WDR33: variants seen among roughly 807,000 people sequenced by gnomAD.
The protein encoded by WDR33 is pre-mRNA 3' end processing protein WDR33.
Under a neutral mutation model 164.9 loss-of-function variants are expected in WDR33, and 47 were observed. That is an observed-to-expected ratio of 0.29 (90% confidence interval 0.23 to 0.36). The LOEUF (loss-of-function observed/expected upper bound fraction) is 0.36. WDR33 is among the 10% of genes least tolerant of loss of function. The pLI, the probability that WDR33 is intolerant of heterozygous loss-of-function variation, is 1.00. For missense variants in WDR33, 1,137 were observed against 1,754.1 expected (o/e 0.65, Z 6.28); for synonymous variants, 505 against 589.0 (o/e 0.86, Z 2.06).
rs537279492 is a variant in WDR33, at chr2:127,722,627, A to T, written c.1482T>A (p.Val494=). 6 of 1,614,032 alleles carry T rather than the reference A, an allele frequency of 3.7e-6. No homozygotes were observed. The South Asian group carries it at 6.6e-5, about 18-fold the overall frequency. The change falls in exon 14 of 22, where the codon GTT becomes GTA. Residue 494 remains valine, a synonymous_variant. Transcript: ENST00000322313. The surrounding 1 kb of genome is among the most constrained non-coding windows in gnomAD (Gnocchi z 5.1). ...KDQKKVPQKK[V]PYAKPIPAQF... is the part of the protein sequence containing the mutation. ...GAGCAGGAATGGGTTTTGCATAAGG[A>T]ACTTTCTTCTGAGGTACTTTTTTCT...
At position 127,725,165 on chromosome 2, in the gene WDR33, T is replaced by C. The variant is rs774404222; in HGVS notation, c.902A>G (p.Asn301Ser). 7.4e-6 allele frequency: 12 copies of C among 1,613,606 alleles called. No individual in the cohort carries two copies. The highest frequency in any genetic ancestry group is 6.7e-5 in the African/African-American group (5 of 74,892). Reference sequence around the variant, plus strand: ...ATCACGTGATGCTGTGAGTAGCCAATTGCCATTGAGGTTTAATTTCACTTC... The same window carrying C: ...ATCACGTGATGCTGTGAGTAGCCAACTGCCATTGAGGTTTAATTTCACTTC... The part of the protein sequence containing the change: ...VMEVKLNLNG[N>S]WLLTASRDHL... The change falls in exon 9 of 22, where the codon AAT becomes AGT. Residue 301 changes from asparagine (N) to serine (S), a missense_variant. Asn to Ser is a conservative substitution (Grantham distance 46). Around this residue, in one of 9 missense-constraint regions of WDR33, gnomAD observed 83 missense variants for 189.2 expected, o/e 0.44. Transcript: ENST00000322313.
rs148251318 is a variant in WDR33 at position 127,736,343 on chromosome 2, G to A, written c.725-9566C>T. On this transcript the variant is annotated intron_variant, in intron 7 of 21. Coordinates refer to ENST00000322313, the MANE Select transcript of WDR33 (RefSeq NM_018383.5). ...GCCTTTAACCTTTAATTTGTAATGTGTATTTCTTTACTGAAAATTCAGAAA... is the reference window on the plus strand; with the variant it reads ...GCCTTTAACCTTTAATTTGTAATGTATATTTCTTTACTGAAAATTCAGAAA... 4 of 985,376 alleles carry A rather than the reference G, an allele frequency of 4.1e-6. No individual in the cohort carries two copies. The East Asian group carries it at 3.4e-4, about 84-fold the overall frequency. 61.0% of individuals were successfully genotyped at this position (985,376 alleles called of 1,614,324 possible). A position where few individuals can be genotyped will look rare whatever the true frequency, so the allele number is the denominator to read the frequency against.
Position 127,701,375 on chromosome 2 carries a change from A to T in WDR33, c.*4948T>A. The T allele has an allele frequency of 2.9e-6, 2 of 693,898 alleles. No homozygotes were observed. Among genetic ancestry groups the T allele is most frequent in the Non-Finnish European group, 2.0e-6 (1 of 501,478 alleles). The allele number at this position is 693,898 out of a possible 1,614,324, so 43.0% of individuals were successfully genotyped here. A position where few individuals can be genotyped will look rare whatever the true frequency, so the allele number is the denominator to read the frequency against. ...CCACGGTACTTGGGGACACCACAAA[A>T]GTCCGCAGAGCAGGCACCGCGGCAC... is the stretch of plus-strand genomic sequence containing the variant. On this transcript the variant is annotated 3_prime_UTR_variant, in exon 22 of 22. Transcript: ENST00000322313.
Position 127,704,748 on chromosome 2 carries a change from C to T in WDR33, c.*1575G>A, listed in dbSNP as rs1337143724. On this transcript the variant is annotated 3_prime_UTR_variant, in exon 22 of 22. Transcript: ENST00000322313. ...AGAGAACCAGTTAAATTTTCATATC[C>T]TGTTAAACTATATCAGTATGCCTTT... is the stretch of plus-strand genomic sequence containing the variant. 1 of 167,034 alleles carries T rather than the reference C, an allele frequency of 6.0e-6. No individual in the cohort carries two copies. The highest frequency in any genetic ancestry group is 1.9e-4 in the East Asian group (1 of 5,202). 10.3% of individuals were successfully genotyped at this position (167,034 alleles called of 1,614,324 possible). A position where few individuals can be genotyped will look rare whatever the true frequency, so the allele number is the denominator to read the frequency against.
chr2:127,772,959 C>CAAA (rs72149745), intron 1 of WDR33, among the ~76,000 whole-genome samples: 2 of 117,196 alleles, frequency 1.7e-5, no homozygotes, highest in African/African-American at 6.1e-5. Flanking sequence ...TCCATCTCTA[C>CAAA]AAAAAAAAAA....
At chr2:127,788,282 G>A (rs548759959) in intron 1 of WDR33, among the ~76,000 whole-genome samples, 12,423 of 116,246 alleles carry the variant, frequency 0.11, 281 homozygotes, top group South Asian at 0.17. Flanking sequence ...CAGGGCGGCC[G>A]GCCGGGCGGG....
At chr2:127,759,710 T>C (rs13404638) in intron 7 of WDR33, among the ~76,000 whole-genome samples, 3,243 of 151,614 alleles carry the variant, frequency 0.021, 127 homozygotes, top group African/African-American at 0.075. Context: ...TTTAAAATAG[T>C]AAGAAAATAA....
chr2:127,702,378 T>A lies in WDR33; in HGVS notation c.*3945A>T, dbSNP rs1379352602. On this transcript the variant is annotated 3_prime_UTR_variant, in exon 22 of 22. Coordinates refer to ENST00000322313, the MANE Select transcript of WDR33 (RefSeq NM_018383.5). ...GGAGCTCCTCGATGTCAGCTTTTTG[T>A]GCTGGACTTGGCACACGCTCTGAAA... is the stretch of plus-strand genomic sequence containing the variant. 1 of 375,532 alleles carries A rather than the reference T, an allele frequency of 2.7e-6. No homozygotes were observed. The highest frequency in any genetic ancestry group is 2.2e-5 in the African/African-American group (1 of 46,388). 23.3% of individuals were successfully genotyped at this position (375,532 alleles called of 1,614,324 possible).
chr2:127,793,421 ACT>A (rs1252660369), intron 1 of WDR33, among the ~76,000 whole-genome samples: 2 of 151,314 alleles, frequency 1.3e-5, no homozygotes, highest in African/African-American at 2.4e-5. Context: ...ACAGAGCAAG[ACT>A]CTGTCTCAAG....
intron 1 of WDR33, among the ~76,000 whole-genome samples, chr2:127,788,373 G>A: frequency 8.3e-6 from 1 of 120,892 alleles, no homozygotes; most frequent in Non-Finnish European, 1.8e-5. Flanking sequence ...GGGGCGGCCG[G>A]GCAGAGGCGC....
intron 7 of WDR33, chr2:127,762,514 GA>G (rs1419798500): frequency 2.0e-6 from 2 of 985,386 alleles, no homozygotes; most frequent in Non-Finnish European, 2.4e-6. Context: ...TAATTTCATA[GA>G]GGTTTATTAA....
chr2:127,774,452 T>C (rs1016390712), intron 1 of WDR33, among the ~76,000 whole-genome samples: 1 of 152,150 alleles, frequency 6.6e-6, no homozygotes, highest in Admixed American at 6.5e-5. Context: ...AAAATGAGAA[T>C]AGATTTTTTC....
intron 1 of WDR33, among the ~76,000 whole-genome samples, chr2:127,780,350 T>C (rs1347151818): frequency 6.6e-6 from 1 of 152,138 alleles, no homozygotes; most frequent in African/African-American, 2.4e-5. Context: ...GTCCACTAGG[T>C]TCTAAGATAA....
chr2:127,712,156 G>C lies in WDR33; in HGVS notation c.3308+1427C>G, dbSNP rs1014149508. On this transcript the variant is annotated intron_variant, in intron 18 of 21. Transcript: ENST00000322313. The surrounding 1 kb of genome is among the most constrained non-coding windows in gnomAD (Gnocchi z 4.0). ...CACGCCTATAATCCCTGCACTCTGGGGGGGCTGAAGAACGTGGATCACTTG... is the reference window on the plus strand; with the variant it reads ...CACGCCTATAATCCCTGCACTCTGGCGGGGCTGAAGAACGTGGATCACTTG... 2.0e-5 allele frequency among the ~76,000 whole-genome samples: 3 copies of C among 152,078 alleles called. No homozygotes were observed. Among genetic ancestry groups the C allele is most frequent in the Non-Finnish European group, 2.9e-5 (2 of 67,978 alleles).
At chr2:127,746,132 G>A (rs1404139961) in intron 7 of WDR33, among the ~76,000 whole-genome samples, 2 of 151,432 alleles carry the variant, frequency 1.3e-5, no homozygotes, top group Non-Finnish European at 1.5e-5. Context: ...TGGCACTCCT[G>A]TGGTTCTGAG....
At position 127,731,876 on chromosome 2, in the gene WDR33, A is replaced by G. The variant is rs993353522; in HGVS notation, c.725-5099T>C. 5.3e-5 allele frequency among the ~76,000 whole-genome samples: 8 copies of G among 152,080 alleles called. No individual in the cohort carries two copies. The South Asian group carries it at 6.2e-4, about 12-fold the overall frequency. On this transcript the variant is annotated intron_variant, in intron 7 of 21. Coordinates refer to ENST00000322313, the MANE Select transcript of WDR33 (RefSeq NM_018383.5). ...TGAGGCCGAAGAATTCCTTGAGTCC[A>G]GGAGGTAGAGATCAGCCTGGGCAAC...
At chr2:127,806,118 A>C (rs1388494747) in intron 1 of WDR33, among the ~76,000 whole-genome samples, 1 of 151,948 alleles carries the variant, frequency 6.6e-6, no homozygotes, top group Non-Finnish European at 1.5e-5. Context: ...TCTCAAAATA[A>C]ACAAAATTTT....
chr2:127,762,889 C>CAAAAT (rs1158876750), intron 7 of WDR33, 173 bp downstream of exon 7: 41 of 1,411,506 alleles, frequency 2.9e-5, no homozygotes, highest in Non-Finnish European at 3.7e-5. Context: ...TAAAAACCTA[C>CAAAAT]AAAATGACTG....
At chr2:127,788,528 C>A (rs1297184729) in intron 1 of WDR33, among the ~76,000 whole-genome samples, 1 of 120,724 alleles carries the variant, frequency 8.3e-6, no homozygotes, top group Non-Finnish European at 1.8e-5. Flanking sequence ...GGGGGCTGAC[C>A]CCCCCATCTC....
Sources: gnomAD v4.1 joint callset for allele counts (sites outside exome capture counted in the v4.1 genomes callset) on GRCh38, gnomAD v4.1.1 for gene constraint, gnomAD v4.1.1 regional missense constraint, Gnocchi (gnomAD v3.1) non-coding constraint, MANE v1.5 for transcripts, NCBI Gene and HGNC (gene_info 2026-07-23, HGNC 2026-07-21) for gene names.